The following NAA11 variants were observed in gnomAD, a reference collection of about 807,000 sequenced individuals.
NAA11 encodes the protein N-alpha-acetyltransferase 11.
A neutral mutation model predicts 16.1 loss-of-function variants in NAA11; 15 were observed. The ratio of observed to expected loss-of-function variants is 0.93; its 90% confidence interval spans 0.62 to 1.44. The LOEUF (loss-of-function observed/expected upper bound fraction) is 1.44. NAA11 is among the 40% of genes most tolerant of loss of function. NAA11 has a pLI of 0.00. For synonymous variants in NAA11, 122 were observed against 112.4 expected (o/e 1.09, Z -0.54); for missense variants, 298 against 291.3 (o/e 1.02, Z -0.17).
At chr4:79,218,112 C>T in the NAA11 span, among the ~76,000 whole-genome samples, 1 of 152,102 alleles carries the variant, frequency 6.6e-6, no homozygotes, top group Non-Finnish European at 1.5e-5. Flanking sequence ...AATGACATAA[C>T]TGAGGCCCAG....
chr4:79,294,287 C>T (rs533065807), intron 1 of NAA11, among the ~76,000 whole-genome samples: 1 of 152,282 alleles, frequency 6.6e-6, no homozygotes, highest in East Asian at 1.9e-4. Flanking sequence ...CATCGTCTCC[C>T]TTTGAACTTA....
At chr4:79,180,310 G>A in the NAA11 span, among the ~76,000 whole-genome samples, 1 of 152,220 alleles carries the variant, frequency 6.6e-6, no homozygotes, top group Admixed American at 6.5e-5. Flanking sequence ...AAATGTATAT[G>A]GACCACATGT....
chr4:79,291,913 A>T (rs1256354861), intron 2 of NAA11, among the ~76,000 whole-genome samples: 9 of 152,210 alleles, frequency 5.9e-5, no homozygotes, highest in Non-Finnish European at 1.0e-4. Context: ...GTAGATAAGC[A>T]TAAATTTTTG....
chr4:79,167,182 T>A, the NAA11 span, among the ~76,000 whole-genome samples: 1 of 41,888 alleles, frequency 2.4e-5, no homozygotes, highest in Admixed American at 2.9e-4. Flanking sequence ...AATAGACAAC[T>A]TATTTTATAT....
At chr4:79,264,097 A>G (rs1306579543) in intron 2 of NAA11, among the ~76,000 whole-genome samples, 1 of 152,152 alleles carries the variant, frequency 6.6e-6, no homozygotes, top group Non-Finnish European at 1.5e-5. Context: ...TCCTGTTTAA[A>G]TCAACACTTC....
At chr4:79,256,286 G>A (rs577103356) in intron 2 of NAA11, among the ~76,000 whole-genome samples, 39 of 151,924 alleles carry the variant, frequency 2.6e-4, no homozygotes, top group African/African-American at 8.9e-4. Context: ...CGTATTTTAA[G>A]AACTACAGTA....
chr4:79,268,083 T>C (rs897853886), intron 2 of NAA11, among the ~76,000 whole-genome samples: 1 of 152,066 alleles, frequency 6.6e-6, no homozygotes, highest in African/African-American at 2.4e-5. Flanking sequence ...ATATGGACAA[T>C]GGAAAAGGGA....
intron 2 of NAA11, among the ~76,000 whole-genome samples, chr4:79,253,798 A>C (rs1452654453): frequency 6.6e-6 from 1 of 152,242 alleles, no homozygotes; most frequent in African/African-American, 2.4e-5. Flanking sequence ...AAATGTGCTT[A>C]TGCTGACAAG....
chr4:79,267,770 C>G (rs1169193196), intron 2 of NAA11, among the ~76,000 whole-genome samples: 2 of 152,066 alleles, frequency 1.3e-5, no homozygotes, highest in East Asian at 3.9e-4. Context: ...GTGCACTAAG[C>G]CCCCAACAGC....
the NAA11 span, among the ~76,000 whole-genome samples, chr4:79,168,252 T>G: frequency 6.6e-6 from 1 of 152,228 alleles, no homozygotes; most frequent in African/African-American, 2.4e-5. Flanking sequence ...TGCCATATTT[T>G]CTTTATCCAG....
At chr4:79,270,217 G>A (rs528360522) in intron 2 of NAA11, among the ~76,000 whole-genome samples, 19 of 151,890 alleles carry the variant, frequency 1.3e-4, no homozygotes, top group African/African-American at 4.6e-4. Flanking sequence ...GAACTTTAAA[G>A]TAGTTTTTTC....
At chr4:79,199,881 A>G in the NAA11 span, among the ~76,000 whole-genome samples, 1 of 151,836 alleles carries the variant, frequency 6.6e-6, no homozygotes, top group South Asian at 2.1e-4. Context: ...GTGTCTATGG[A>G]GCTTTGTTCA....
At chr4:79,319,384 A>G (rs1041886967) in intron 1 of NAA11, among the ~76,000 whole-genome samples, 1 of 152,228 alleles carries the variant, frequency 6.6e-6, no homozygotes, top group Admixed American at 6.5e-5. Context: ...AAAAAATCCT[A>G]TAATTTTCCA....
the NAA11 span, chr4:79,211,761 C>A: frequency 6.6e-6 from 1 of 152,336 alleles, no homozygotes; most frequent in Non-Finnish European, 1.5e-5. Flanking sequence ...TCAGAAGATG[C>A]AATGCCTGAA....
intron 2 of NAA11, among the ~76,000 whole-genome samples, chr4:79,254,406 A>G (rs1025759042): frequency 6.6e-6 from 1 of 152,204 alleles, no homozygotes; most frequent in East Asian, 1.9e-4. Context: ...ACTAAGAGAG[A>G]AAATTAAAAT....
At chr4:79,322,875 T>C (rs1724138594) in intron 1 of NAA11, among the ~76,000 whole-genome samples, 1 of 152,180 alleles carries the variant, frequency 6.6e-6, no homozygotes, top group Non-Finnish European at 1.5e-5. Flanking sequence ...AGATTCTTTC[T>C]AACCACCAAA....
At chr4:79,223,538 T>C (rs1721240966), downstream of NAA11, among the ~76,000 whole-genome samples, 1 of 149,614 alleles carries the variant, frequency 6.7e-6, no homozygotes, top group South Asian at 2.2e-4. Flanking sequence ...GAGATATACC[T>C]AATGCTAGAT....
chr4:79,311,792 T>C (rs1358652474), downstream of NAA11, among the ~76,000 whole-genome samples: 1 of 152,204 alleles, frequency 6.6e-6, no homozygotes, highest in Non-Finnish European at 1.5e-5. Context: ...AAGCTTAATC[T>C]ACCCCATCCC....
At chr4:79,190,625 TC>T in the NAA11 span, among the ~76,000 whole-genome samples, 1 of 152,164 alleles carries the variant, frequency 6.6e-6, no homozygotes, top group African/African-American at 2.4e-5. Flanking sequence ...GACCCATTTA[TC>T]CCCCTGGAGG....
Sources: allele counts gnomAD v4.1 joint callset (sites outside exome capture counted in the v4.1 genomes callset), GRCh38; gene constraint gnomAD v4.1.1; transcripts MANE v1.5; gene names NCBI Gene and HGNC (gene_info 2026-07-23, HGNC 2026-07-21).